The following CD99 variants were observed in gnomAD, a reference collection of about 807,000 sequenced individuals.
The protein encoded by CD99 is CD99 molecule (Xg blood group), also known as CD99 antigen.
In CD99, 19 loss-of-function variants were observed where a neutral mutation model predicts 28.4. The ratio of observed to expected loss-of-function variants is 0.67; its 90% CI spans 0.47 to 0.98. The LOEUF (loss-of-function observed/expected upper bound fraction) is 0.98, where lower values mean the gene tolerates loss of function less well. CD99 is among the 50% of genes least tolerant of loss of function. CD99 has a pLI of 0.00. For missense variants in CD99, 283 were observed against 248.8 expected, an observed-to-expected ratio of 1.14 and a Z score of -0.92; for synonymous variants, 103 against 92.1, an observed-to-expected ratio of 1.12 and a Z score of -0.67.
chrX:2,714,413 C>G lies in CD99; in HGVS notation c.68-9C>G, dbSNP rs376543123. On this transcript the variant is annotated splice_polypyrimidine_tract_variant and intron_variant, in intron 1 of 9. Transcript: ENST00000381192. ...TTGTTTCTAAGTTGACTCTTTTTTT[C>G]TCTCTTAGATGGTGGTTTCGATTTA... 24 of 1,569,924 alleles carry G rather than the reference C, an allele frequency of 1.5e-5. No individual in the cohort carries two copies. Among genetic ancestry groups the G allele is most frequent in the African/African-American group, 1.1e-4 (8 of 73,708 alleles).
chrX:2,706,216 C>T (rs1297726011), intron 1 of CD99, among the ~76,000 whole-genome samples: 4 of 151,986 alleles, frequency 2.6e-5, no homozygotes, highest in African/African-American at 9.7e-5. Flanking sequence ...AAAAATCAGC[C>T]GGGCGTGGTG....
chrX:2,700,286 A>G (rs939119085), intron 1 of CD99, among the ~76,000 whole-genome samples: 20 of 152,030 alleles, frequency 1.3e-4, no homozygotes, highest in Non-Finnish European at 1.9e-4. Flanking sequence ...GTGAACTTAG[A>G]CCAGTCACTG....
At chrX:2,706,167 G>A (rs1458259788) in intron 1 of CD99, among the ~76,000 whole-genome samples, 1 of 151,964 alleles carries the variant, frequency 6.6e-6, no homozygotes, top group Non-Finnish European at 1.5e-5. Flanking sequence ...AGACCATCCT[G>A]GCTACCACGG....
chrX:2,709,010 AAGG>A (rs1378645995), intron 1 of CD99, among the ~76,000 whole-genome samples: 1 of 152,152 alleles, frequency 6.6e-6, no homozygotes, highest in East Asian at 1.9e-4. Context: ...GGAGCAAGAA[AAGG>A]AGGAAGCTTC....
intron 8 of CD99, chrX:2,733,723 AG>A (rs957982988): frequency 4.7e-4 from 171 of 362,576 alleles, no homozygotes; most frequent in Middle Eastern, 8.1e-4. Context: ...ATCCCTGCCA[AG>A]GGAACAAACT....
Position 2,740,050 on chromosome X carries a change from C to G in CD99, c.533-729C>G, listed in dbSNP as rs181483100. Reference sequence around the variant, plus strand: ...GAGGTTGTGGTGAGCCAAGATTGCGCCATTGCACTCCAGCCTGGGCAACAA... The same window carrying G: ...GAGGTTGTGGTGAGCCAAGATTGCGGCATTGCACTCCAGCCTGGGCAACAA... On this transcript the variant is annotated intron_variant, in intron 9 of 9. Transcript: ENST00000381192. Among the ~76,000 whole-genome samples, 482 of 151,990 alleles carry G rather than the reference C, an allele frequency of 3.2e-3. 1 individual carries two copies. The highest frequency in any genetic ancestry group is 0.011 in the African/African-American group (456 of 41,476).
At chrX:2,729,072 T>C in intron 8 of CD99, among the ~76,000 whole-genome samples, 1 of 151,788 alleles carries the variant, frequency 6.6e-6, no homozygotes, top group East Asian at 2.0e-4. Flanking sequence ...CTCAGGTGGT[T>C]CCCCCCCGCA....
chrX:2,693,470 T>C (rs1416110072), intron 1 of CD99, among the ~76,000 whole-genome samples: 2 of 152,126 alleles, frequency 1.3e-5, no homozygotes, highest in African/African-American at 4.8e-5. Context: ...CACCCCTTCT[T>C]TGCAGTCTGA....
At position 2,741,113 on chromosome X, in the gene CD99, G is replaced by A. The variant is rs192429606; in HGVS notation, c.*309G>A. ...CTGTAACTCAAATGTCAACCCCACC[G>A]AGGCACCCCCCCGTCCCCCAGAATC... On this transcript the variant is annotated 3_prime_UTR_variant, in exon 10 of 10. Coordinates refer to ENST00000381192, the MANE Select transcript of CD99 (RefSeq NM_002414.5). The A allele has an allele frequency of 5.2e-3, 2,159 of 414,446 alleles. 33 individuals carry two copies. Among genetic ancestry groups the A allele is most frequent in the Admixed American group, 0.03 (739 of 24,792 alleles). The allele number at this position is 414,446 out of a possible 1,614,324, so 25.7% of individuals were successfully genotyped here.
At chrX:2,700,661 A>G (rs2047808635) in intron 1 of CD99, among the ~76,000 whole-genome samples, 1 of 150,202 alleles carries the variant, frequency 6.7e-6, no homozygotes, top group Non-Finnish European at 1.5e-5. Flanking sequence ...CTTTCCATCC[A>G]TGCATCATCC....
At chrX:2,735,906 A>T (rs2049905803) in intron 8 of CD99, among the ~76,000 whole-genome samples, 1 of 152,108 alleles carries the variant, frequency 6.6e-6, no homozygotes, top group Non-Finnish European at 1.5e-5. Flanking sequence ...TGCTGTCATT[A>T]AAAGTTACGC....
intron 3 of CD99, chrX:2,717,937 CTTTTTTT>C (rs527447220): frequency 2.4e-3 from 390 of 164,442 alleles, no homozygotes; most frequent in Non-Finnish European, 3.2e-3. Flanking sequence ...ATTTTCTTCC[CTTTTTTT>C]TTTTTTTTTT....
chrX:2,709,365 G>A (rs993811835), intron 1 of CD99, among the ~76,000 whole-genome samples: 4 of 151,496 alleles, frequency 2.6e-5, no homozygotes, highest in Non-Finnish European at 5.9e-5. Flanking sequence ...ACAGGTGTGT[G>A]CTCAGATAGC....
At chrX:2,699,400 C>T (rs371783138) in intron 1 of CD99, among the ~76,000 whole-genome samples, 3 of 150,878 alleles carry the variant, frequency 2.0e-5, no homozygotes, top group African/African-American at 7.3e-5. Context: ...GAACTCCTGA[C>T]GTCGTGATCT....
At chrX:2,696,896 G>T (rs2047602243) in intron 1 of CD99, among the ~76,000 whole-genome samples, 1 of 152,064 alleles carries the variant, frequency 6.6e-6, no homozygotes, top group Admixed American at 6.6e-5. Flanking sequence ...TATGACTCAG[G>T]GTTGCCACCA....
In CD99 at chrX:2,717,444, C is replaced by G. The variant is rs1037203534; in HGVS notation, c.101-161C>G. ...GTGTCTGTCTTCTGGGCTCAAGAGTCGTTGTATAAACCTCAGCTCGGTGTG... is the reference window on the plus strand; with the variant it reads ...GTGTCTGTCTTCTGGGCTCAAGAGTGGTTGTATAAACCTCAGCTCGGTGTG... On this transcript the variant is annotated intron_variant, in intron 2 of 9. Coordinates refer to ENST00000381192, the MANE Select transcript of CD99 (RefSeq NM_002414.5). 23 of 630,608 alleles carry G rather than the reference C, an allele frequency of 3.6e-5. No individual in the cohort carries two copies. The African/African-American group carries it at 4.2e-4, about 12-fold the overall frequency. 39.1% of individuals were successfully genotyped at this position (630,608 alleles called of 1,614,324 possible).
At chrX:2,726,736 G>C (rs1383392206) in intron 8 of CD99, among the ~76,000 whole-genome samples, 1 of 152,158 alleles carries the variant, frequency 6.6e-6, no homozygotes, top group Non-Finnish European at 1.5e-5. Context: ...AAGACACTTA[G>C]CTCTGATCAT....
chrX:2,727,332 G>T (rs749182424), intron 8 of CD99: 1 of 779,188 alleles, frequency 1.3e-6, no homozygotes, highest in Admixed American at 1.7e-5. Context: ...ATTGGGATCC[G>T]CCGTGAAGCT....
In CD99 at chrX:2,723,558, G is replaced by C. The variant is rs998287996; in HGVS notation, c.361+194G>C. 3 of 655,434 alleles carry C rather than the reference G, an allele frequency of 4.6e-6. No individual in the cohort carries two copies. In the Admixed American group the frequency reaches 8.1e-5, roughly 18 times the overall value. 40.6% of individuals were successfully genotyped at this position (655,434 alleles called of 1,614,324 possible). ...CCCCCAGCAAACCAGCCCTGCTCCG[G>C]GTGCCCACGTGACGCGGATTTTATG... On this transcript the variant is annotated intron_variant, in intron 7 of 9. Transcript: ENST00000381192.
Sources: allele counts gnomAD v4.1 joint callset (sites outside exome capture counted in the v4.1 genomes callset), GRCh38; gene constraint gnomAD v4.1.1; transcripts MANE v1.5; gene names NCBI Gene and HGNC (gene_info 2026-07-23, HGNC 2026-07-21).